PATJ: variants seen among roughly 807,000 people sequenced by gnomAD.
PATJ encodes the protein PATJ crumbs cell polarity complex component, also known as inaD-like protein.
PATJ carries 190 observed loss-of-function variants against 224.9 expected under a neutral mutation model. The observed-to-expected ratio is 0.84, with a 90% CI of 0.75 to 0.95. The LOEUF (loss-of-function observed/expected upper bound fraction) is 0.95, where lower values mean the gene tolerates loss of function less well. PATJ is among the 40% of genes least tolerant of loss of function. The probability of loss-of-function intolerance (pLI) is 0.00; values close to 1 mark genes in which losing one functional copy is unlikely to be tolerated. For synonymous variants in PATJ, 769 were observed against 820.3 expected (o/e 0.94, Z 1.07); for missense variants, 2,121 against 2,270.3 (o/e 0.93, Z 1.34).
intron 27 of PATJ, among the ~76,000 whole-genome samples, chr1:61,949,528 TAAAG>T (rs1679302835): frequency 6.6e-6 from 1 of 152,184 alleles, no homozygotes; most frequent in Non-Finnish European, 1.5e-5. Flanking sequence ...AATTTTAAAT[TAAAG>T]AATCACATGC....
intron 28 of PATJ, among the ~76,000 whole-genome samples, chr1:62,000,795 C>A (rs1645717196): frequency 6.6e-6 from 1 of 151,034 alleles, no homozygotes. Context: ...AAGGGTTGAA[C>A]TAGTTTACAG....
At chr1:61,994,635 A>T (rs1178661594) in intron 28 of PATJ, among the ~76,000 whole-genome samples, 1 of 151,834 alleles carries the variant, frequency 6.6e-6, no homozygotes, top group Non-Finnish European at 1.5e-5. Flanking sequence ...GCTCACTGCA[A>T]CCTCCACCTC....
chr1:62,110,929 T>C (rs1462264996), intron 34 of PATJ, among the ~76,000 whole-genome samples: 2 of 152,226 alleles, frequency 1.3e-5, no homozygotes, highest in Admixed American at 1.3e-4. Context: ...ACTGTGCTTC[T>C]GTAAGGCACT....
chr1:62,139,230 G>A (rs1287715801), intron 41 of PATJ, among the ~76,000 whole-genome samples: 4 of 151,754 alleles, frequency 2.6e-5, no homozygotes, highest in Admixed American at 6.6e-5. Flanking sequence ...GTGAAACCCC[G>A]TCTCTACCAA....
intron 27 of PATJ, among the ~76,000 whole-genome samples, chr1:61,958,772 A>C (rs1046485697): frequency 3.3e-5 from 5 of 152,200 alleles, no homozygotes; most frequent in Non-Finnish European, 5.9e-5. Context: ...TTAGTGTGTG[A>C]CCAAGTTGTC....
intron 43 of PATJ, among the ~76,000 whole-genome samples, chr1:62,158,730 AC>A (rs67547775): frequency 0.029 from 4,074 of 140,866 alleles, 367 homozygotes; most frequent in Non-Finnish European, 0.038. Context: ...CAAAAAAAAA[AC>A]AAAAAAAAAG....
rs570866019 is a variant in PATJ at position 62,100,831 on chromosome 1, C to G, written c.4378-7606C>G. Among the ~76,000 whole-genome samples, 4 of 152,196 alleles carry G rather than the reference C, an allele frequency of 2.6e-5. No individual in the cohort carries two copies. The East Asian group carries it at 7.7e-4, about 29-fold the overall frequency. On this transcript the variant is annotated intron_variant, in intron 33 of 43. Coordinates refer to ENST00000642238, the MANE Select transcript of PATJ (RefSeq NM_001350145.3). ...TGGGAGGTGGCGCAAGACATAGAGC[C>G]CTGAACAGACATTCATGATGCTGTG... is the stretch of plus-strand genomic sequence containing the variant.
chr1:62,037,776 T>C (rs981844625), intron 29 of PATJ, among the ~76,000 whole-genome samples: 4 of 152,194 alleles, frequency 2.6e-5, no homozygotes, highest in African/African-American at 9.7e-5. Flanking sequence ...TAGTATCCTT[T>C]GAGCTACACA....
chr1:61,991,667 T>C (rs1569757236), intron 28 of PATJ: 2 of 985,304 alleles, frequency 2.0e-6, no homozygotes, highest in East Asian at 2.3e-4. Flanking sequence ...ACTTTTCTTT[T>C]CTTGTTCTTT....
chr1:61,985,881 C>G (rs1255964926), intron 27 of PATJ, among the ~76,000 whole-genome samples: 1 of 151,998 alleles, frequency 6.6e-6, no homozygotes, highest in East Asian at 1.9e-4. Flanking sequence ...TGGTCACCAA[C>G]TTAAGACTAA....
rs751698379 is a variant in PATJ, at chr1:62,114,014, T to C, written c.4462-39T>C. The C allele has an allele frequency of 3.1e-6, 5 of 1,591,060 alleles. No homozygotes were observed. The East Asian group carries it at 1.1e-4, about 36-fold the overall frequency. ...AGCAGACAGAGAAGGCAGAGACCTC[T>C]GCCATCAGCAGCCCAGCTCAGGATG... On this transcript the variant is annotated intron_variant, in intron 34 of 43. Transcript: ENST00000642238.
chr1:61,959,425 A>AT (rs377016305), intron 27 of PATJ, among the ~76,000 whole-genome samples: 4 of 61,110 alleles, frequency 6.5e-5, no homozygotes, highest in Admixed American at 2.2e-4. Context: ...TATATAATAT[A>AT]TTTTTTTTCT....
intron 27 of PATJ, chr1:61,952,279 A>AG (rs34974949): frequency 0.79 from 365,355 of 464,880 alleles, 141,476 homozygotes; most frequent in East Asian, 0.84. Flanking sequence ...AGAGAGAGAG[A>AG]AAAATAGGCC....
chr1:62,024,391 G>A (rs1041529031), intron 29 of PATJ, among the ~76,000 whole-genome samples: 2 of 151,894 alleles, frequency 1.3e-5, no homozygotes, highest in Non-Finnish European at 2.9e-5. Context: ...AGTTGATATT[G>A]GTCTATTCAG....
chr1:61,948,348 A>G (rs531488602), intron 27 of PATJ, among the ~76,000 whole-genome samples: 1 of 152,318 alleles, frequency 6.6e-6, no homozygotes, highest in Admixed American at 6.5e-5. Flanking sequence ...ATCTACAATG[A>G]ACTCAAACAA....
At chr1:61,945,967 C>T (rs1678635858) in intron 27 of PATJ, among the ~76,000 whole-genome samples, 1 of 152,202 alleles carries the variant, frequency 6.6e-6, no homozygotes, top group African/African-American at 2.4e-5. Context: ...TGAATGACTA[C>T]TGGGTACATA....
At chr1:62,141,674 CAA>C (rs11322309) in intron 41 of PATJ, among the ~76,000 whole-genome samples, 46 of 137,134 alleles carry the variant, frequency 3.4e-4, no homozygotes, top group Admixed American at 5.0e-4. Flanking sequence ...GACTCTGTCT[CAA>C]AAAAAAAAAA....
intron 33 of PATJ, among the ~76,000 whole-genome samples, chr1:62,099,631 G>T (rs1012952782): frequency 6.6e-6 from 1 of 152,018 alleles, no homozygotes; most frequent in Non-Finnish European, 1.5e-5. Context: ...AAACATGCCT[G>T]CAAGCAGTGT....
chr1:62,005,393 T>TA (rs917267123), intron 28 of PATJ, among the ~76,000 whole-genome samples: 84 of 149,914 alleles, frequency 5.6e-4, no homozygotes, highest in African/African-American at 2.0e-3. Flanking sequence ...AAAGTTAACC[T>TA]ATAAAAATAT....
Sources: gnomAD v4.1 joint callset for allele counts (sites outside exome capture counted in the v4.1 genomes callset) on GRCh38, gnomAD v4.1.1 for gene constraint, MANE v1.5 for transcripts, NCBI Gene and HGNC (gene_info 2026-07-23, HGNC 2026-07-21) for gene names.